XYLB: variants seen among roughly 807,000 people sequenced by gnomAD.
The protein encoded by XYLB is xylulokinase.
A neutral mutation model predicts 78.7 loss-of-function variants in XYLB; 62 were observed. That is an observed-to-expected ratio of 0.79 (90% CI 0.64 to 0.97). The LOEUF is 0.97. Ranked by LOEUF, XYLB falls within the 50% of genes least tolerant of loss-of-function variation. The pLI is 0.00. For synonymous variants in XYLB, 245 were observed against 247.4 expected, an observed-to-expected ratio of 0.99 and a Z score of 0.09; for missense variants, 687 against 676.8, an observed-to-expected ratio of 1.02 and a Z score of -0.17.
At chr3:38,392,544 G>T (rs1190421981) in intron 15 of XYLB, among the ~76,000 whole-genome samples, 2 of 152,208 alleles carry the variant, frequency 1.3e-5, no homozygotes, top group Admixed American at 1.3e-4. Flanking sequence ...TGATACACCC[G>T]TCTCGGTCTC....
In XYLB at chr3:38,414,710, T is replaced by C. The variant is rs993905157; in HGVS notation, c.*1697T>C. 2.6e-5 allele frequency: 4 copies of C among 152,110 alleles called. No individual in the cohort carries two copies. The highest frequency in any genetic ancestry group is 2.9e-5 in the Non-Finnish European group (2 of 68,032). The allele number at this position is 152,110 out of a possible 1,614,324, so 9.4% of individuals were successfully genotyped here. On this transcript the variant is annotated 3_prime_UTR_variant, in exon 19 of 19. Coordinates refer to ENST00000207870, the MANE Select transcript of XYLB (RefSeq NM_005108.4). Reference sequence around the variant, plus strand: ...TCACAGATATGAATACTAAATTATATCTTAATGAAAATAGATATGGTCACA... The same window carrying C: ...TCACAGATATGAATACTAAATTATACCTTAATGAAAATAGATATGGTCACA...
In XYLB at chr3:38,348,508, CT is replaced by C. The variant is rs775273462; in HGVS notation, c.58-41del. The C allele has an allele frequency of 6.9e-6, 11 of 1,595,360 alleles. No homozygotes were observed. The African/African-American group carries it at 1.3e-4, about 19-fold the overall frequency. On this transcript the variant is annotated intron_variant, in intron 1 of 18. Coordinates refer to ENST00000207870, the MANE Select transcript of XYLB (RefSeq NM_005108.4). ...AGTACCCCCTGGACCAGTGTAGAAG[CT>C]GAGGAAAATTCTACACTTCCTTTTT...
At chr3:38,377,029 A>T in intron 14 of XYLB, 38 bp downstream of exon 14, 1 of 1,553,524 alleles carries the variant, frequency 6.4e-7, no homozygotes, top group Middle Eastern at 1.7e-4. Flanking sequence ...CATTGGCTCC[A>T]TTTGTGAGTG....
chr3:38,347,065 G>A, intron 1 of XYLB, 140 bp downstream of exon 1: 2 of 808,338 alleles, frequency 2.5e-6, no homozygotes, highest in East Asian at 3.5e-5. Context: ...GGGCCCCCGC[G>A]CCCCTGCCCT....
chr3:38,391,634 C>T (rs988875356), intron 15 of XYLB, among the ~76,000 whole-genome samples: 4 of 123,304 alleles, frequency 3.2e-5, no homozygotes, highest in Admixed American at 1.8e-4. Flanking sequence ...CCCAAATTCA[C>T]ATGTTAAAAA....
Position 38,366,827 on chromosome 3 carries a change from T to A in XYLB, c.527T>A (p.Ile176Asn). 3 of 1,613,428 alleles carry A rather than the reference T, an allele frequency of 1.9e-6. No homozygotes were observed. The South Asian group carries it at 3.3e-5, about 18-fold the overall frequency. The change falls in exon 7 of 19, where the codon ATT becomes AAT. Residue 176 changes from isoleucine to asparagine, a missense_variant. Coordinates refer to ENST00000207870, the MANE Select transcript of XYLB (RefSeq NM_005108.4). ...TTCCAGCGTTTTACAGGGAACCAAATTGCAAAAATTTACCAGCAGAACCCC... is the reference window on the plus strand; with the variant it reads ...TTCCAGCGTTTTACAGGGAACCAAAATGCAAAAATTTACCAGCAGAACCCC... ...RAYERFTGNQ[I>N]AKIYQQNPEA...
chr3:38,423,303 A>G (rs1709035702), downstream of XYLB, among the ~76,000 whole-genome samples: 1 of 152,102 alleles, frequency 6.6e-6, no homozygotes, highest in Non-Finnish European at 1.5e-5. Flanking sequence ...CGATCTCCTG[A>G]CCTTGTGATC....
chr3:38,350,279 A>G (rs1327000992), intron 2 of XYLB, among the ~76,000 whole-genome samples: 1 of 152,190 alleles, frequency 6.6e-6, no homozygotes, highest in Non-Finnish European at 1.5e-5. Context: ...TTATTATTGC[A>G]GGCCTTGCAT....
rs1387939398 is a variant in XYLB at position 38,414,920 on chromosome 3, G to A, written c.*1907G>A. The A allele has an allele frequency of 6.6e-6, 1 of 152,136 alleles. No individual in the cohort carries two copies. Among genetic ancestry groups the A allele is most frequent in the Middle Eastern group, 3.2e-3 (1 of 316 alleles). The allele number at this position is 152,136 out of a possible 1,614,324, so 9.4% of individuals were successfully genotyped here. ...AGACAAAAGATAAGACAGTGGCATAGAGTTAATATTTAAAATTCAAATATT... is the reference window on the plus strand; with the variant it reads ...AGACAAAAGATAAGACAGTGGCATAAAGTTAATATTTAAAATTCAAATATT... On this transcript the variant is annotated 3_prime_UTR_variant, in exon 19 of 19. Transcript: ENST00000207870.
At chr3:38,424,606 A>G (rs186359409), downstream of XYLB, among the ~76,000 whole-genome samples, 459 of 152,354 alleles carry the variant, frequency 3.0e-3, 1 homozygote, top group South Asian at 8.1e-3. Flanking sequence ...ATCAAAAAGT[A>G]AAGTTTTCCA....
rs957393529 is a variant in XYLB at position 38,368,529 on chromosome 3, C to T, written c.646+272C>T. On this transcript the variant is annotated intron_variant, in intron 8 of 18. Transcript: ENST00000207870. ...CTTGGAGGTACTGGTTCGGGATCTCCCACAAGGTGGCAGTCAAGCTGGCAG... is the reference window on the plus strand; with the variant it reads ...CTTGGAGGTACTGGTTCGGGATCTCTCACAAGGTGGCAGTCAAGCTGGCAG... Among the ~76,000 whole-genome samples the T allele has an allele frequency of 1.2e-4, 18 of 152,324 alleles. No homozygotes were observed. In the Middle Eastern group the frequency reaches 0.014, roughly 115 times the overall value.
At chr3:38,379,173 A>T (rs781680333) in intron 14 of XYLB, 73 bp from the exon 15 acceptor site, 16 of 1,472,256 alleles carry the variant, frequency 1.1e-5, no homozygotes, top group Non-Finnish European at 1.4e-5. Flanking sequence ...AAGATCACAC[A>T]CAGACACACA....
rs116844905 is a variant in XYLB at position 38,381,780 on chromosome 3, C to G, written c.1291+2438C>G. Among the ~76,000 whole-genome samples, 1,812 of 152,288 alleles carry G rather than the reference C, an allele frequency of 0.012. 156 individuals carry two copies. The East Asian group carries it at 0.22, about 18-fold the overall frequency. Reference sequence around the variant, plus strand: ...TGGTCAGACTGGTTGATCCCAAAACCCTGTCTCCTGATAAGATGTTACCAA... The same window carrying G: ...TGGTCAGACTGGTTGATCCCAAAACGCTGTCTCCTGATAAGATGTTACCAA... On this transcript the variant is annotated intron_variant, in intron 15 of 18. Coordinates refer to ENST00000207870, the MANE Select transcript of XYLB (RefSeq NM_005108.4).
chr3:38,409,318 C>T (rs1413039833), intron 18 of XYLB, among the ~76,000 whole-genome samples: 1 of 151,864 alleles, frequency 6.6e-6, no homozygotes, highest in East Asian at 1.9e-4. Flanking sequence ...CAGAAAAGGC[C>T]TTTGACAAAA....
At chr3:38,439,421 C>T in the XYLB span, among the ~76,000 whole-genome samples, 1 of 152,158 alleles carries the variant, frequency 6.6e-6, no homozygotes, top group Non-Finnish European at 1.5e-5. Context: ...TGCACAGGAC[C>T]TAGAAAGGGG....
At chr3:38,442,917 G>A in the XYLB span, among the ~76,000 whole-genome samples, 14 of 152,084 alleles carry the variant, frequency 9.2e-5, no homozygotes, top group African/African-American at 3.1e-4. Flanking sequence ...AGACTTCAGT[G>A]TTGATTCCCT....
At chr3:38,449,726 G>T in the XYLB span, among the ~76,000 whole-genome samples, 2 of 152,194 alleles carry the variant, frequency 1.3e-5, no homozygotes, top group Non-Finnish European at 1.5e-5. Context: ...AGCCCTCTTA[G>T]TCTGTGTCCC....
chr3:38,362,955 G>A lies in XYLB; in HGVS notation c.229G>A (p.Glu77Lys). 2 of 1,584,122 alleles carry A rather than the reference G, an allele frequency of 1.3e-6. No individual in the cohort carries two copies. The highest frequency in any genetic ancestry group is 1.2e-5 in the South Asian group (1 of 86,750). Residue 77 changes from glutamate to lysine, a missense_variant, in exon 4 of 19, where the codon GAG (glutamate) becomes AAG (lysine). Transcript: ENST00000207870. ...MWVQALDIIL[E>K]KMKASGFDFS... ...TTCTTAGGCACTGGATATCATCTTGGAGAAGATGAAGGCTTCGGGCTTCGA... is the reference window on the plus strand; with the variant it reads ...TTCTTAGGCACTGGATATCATCTTGAAGAAGATGAAGGCTTCGGGCTTCGA...
the XYLB span, among the ~76,000 whole-genome samples, chr3:38,431,078 CCAATTCT>C: frequency 6.6e-6 from 1 of 152,114 alleles, no homozygotes. Flanking sequence ...GTAGTTTTTT[CCAATTCT>C]GTGAAGAAAG....
Sources: allele counts gnomAD v4.1 joint callset (sites outside exome capture counted in the v4.1 genomes callset), GRCh38; gene constraint gnomAD v4.1.1; transcripts MANE v1.5; gene names NCBI Gene and HGNC (gene_info 2026-07-23, HGNC 2026-07-21).